Variants in ZNF607 observed in about 807,000 individuals in gnomAD.
The protein encoded by ZNF607 is zinc finger protein 607.
A neutral mutation model predicts 12.8 loss-of-function variants in ZNF607; 5 were observed. The observed-to-expected ratio is 0.39, with a 90% CI of 0.20 to 0.82. The LOEUF is 0.82. Ranked by LOEUF, ZNF607 falls within the 40% of genes least tolerant of loss-of-function variation. The pLI is 0.39. For synonymous variants in ZNF607, 287 were observed against 276.2 expected (o/e 1.04, Z -0.39); for missense variants, 851 against 859.2 (o/e 0.99, Z 0.12).
At chr19:37,710,772 T>A (rs1448978537) in intron 2 of ZNF607, among the ~76,000 whole-genome samples, 1 of 152,334 alleles carries the variant, frequency 6.6e-6, no homozygotes, top group East Asian at 1.9e-4. Flanking sequence ...AACTTCTCAA[T>A]CAATGTGTGT....
chr19:37,705,069 A>G (rs2045069958), intron 4 of ZNF607, among the ~76,000 whole-genome samples: 1 of 151,626 alleles, frequency 6.6e-6, no homozygotes, highest in South Asian at 2.1e-4. Context: ...CAGAAAAAAT[A>G]ATAAAATAGA....
intron 4 of ZNF607, chr19:37,706,369 G>A (rs2045084143): frequency 6.6e-6 from 1 of 152,348 alleles, no homozygotes; most frequent in Non-Finnish European, 1.5e-5. Context: ...AATAGGAACT[G>A]AGGTGAATAC....
At chr19:37,700,785 A>G (rs1035339288) in intron 4 of ZNF607, among the ~76,000 whole-genome samples, 1 of 152,166 alleles carries the variant, frequency 6.6e-6, no homozygotes, top group East Asian at 1.9e-4. Context: ...GAAACGGAAT[A>G]GTGTCAACAC....
At chr19:37,709,894 C>A (rs1017932483) in intron 2 of ZNF607, 72 bp from the exon 3 acceptor site, 3 of 1,553,578 alleles carry the variant, frequency 1.9e-6, no homozygotes. Flanking sequence ...CTGTGGCTCA[C>A]GCCTGTAATC....
At chr19:37,701,101 A>G (rs373568849) in intron 4 of ZNF607, among the ~76,000 whole-genome samples, 2 of 152,192 alleles carry the variant, frequency 1.3e-5, no homozygotes, top group South Asian at 2.1e-4. Flanking sequence ...TAATTTCTCA[A>G]TATCTGAATT....
chr19:37,698,569 G>GT lies in ZNF607; in HGVS notation c.1561dup (p.Thr521AsnfsTer10). On this transcript the variant is annotated frameshift_variant, in exon 5 of 5. Transcript: ENST00000355202. LOFTEE classifies it low-confidence loss of function (END_TRUNC). ...ACCACTGTGAATACTCAGATGCTGA[G>GT]TAAGTTGTCCAGATACACTAAAGGC... The GT allele has an allele frequency of 6.2e-7, 1 of 1,611,762 alleles. No individual in the cohort carries two copies. The highest frequency in any genetic ancestry group is 8.5e-7 in the Non-Finnish European group (1 of 1,178,222).
At chr19:37,701,651 C>T (rs2045039745) in intron 4 of ZNF607, among the ~76,000 whole-genome samples, 1 of 152,176 alleles carries the variant, frequency 6.6e-6, no homozygotes, top group Non-Finnish European at 1.5e-5. Context: ...AAGTACCTTA[C>T]CTTGCTGAAA....
intron 1 of ZNF607, among the ~76,000 whole-genome samples, chr19:37,713,869 AAACACAAAT>A (rs1270097512): frequency 1.3e-5 from 2 of 152,222 alleles, no homozygotes; most frequent in East Asian, 3.8e-4. Context: ...TCGAAATTAA[AAACACAAAT>A]ATTAAAAGCA....
At chr19:37,713,647 G>A (rs1023561269) in intron 1 of ZNF607, among the ~76,000 whole-genome samples, 4 of 151,776 alleles carry the variant, frequency 2.6e-5, no homozygotes, top group African/African-American at 9.7e-5. Flanking sequence ...CACCATGTTG[G>A]CCAGGCTGGT....
At chr19:37,707,398 G>C (rs1057186895) in intron 4 of ZNF607, among the ~76,000 whole-genome samples, 3 of 152,000 alleles carry the variant, frequency 2.0e-5, no homozygotes, top group Non-Finnish European at 4.4e-5. Flanking sequence ...GGATAAGACT[G>C]TGCCACTGCA....
rs1291067426 is a variant in ZNF607 at position 37,698,801 on chromosome 19, T to C, written c.1330A>G (p.Thr444Ala). ...TTACATTCAAAGGGTTTGTAACCAG[T>C]ATGAATTCTGTTATGATGGGCAAGG... ...AHLAHHNRIH[T>A]GYKPFECKEC... Residue 444 changes from threonine (T) to alanine (A), a missense_variant, in exon 5 of 5, where the codon ACT becomes GCT. By Grantham distance (58) the Thr-to-Ala change is moderately conservative. Transcript: ENST00000355202. 6.2e-7 allele frequency: 1 copy of C among 1,613,682 alleles called. No individual in the cohort carries two copies. The highest frequency in any genetic ancestry group is 1.1e-5 in the South Asian group (1 of 91,056).
At chr19:37,712,088 G>A (rs932511863) in intron 1 of ZNF607, among the ~76,000 whole-genome samples, 4 of 152,152 alleles carry the variant, frequency 2.6e-5, no homozygotes, top group Non-Finnish European at 5.9e-5. Flanking sequence ...TTTTAGTCTT[G>A]AAACTGGGGA....
chr19:37,696,593 A>G lies in ZNF607; in HGVS notation c.*1447T>C. The G allele has an allele frequency of 1.8e-6, 1 of 557,144 alleles. No individual in the cohort carries two copies. The highest frequency in any genetic ancestry group is 1.9e-5 in the South Asian group (1 of 51,744). The allele number at this position is 557,144 out of a possible 1,614,324, so 34.5% of individuals were successfully genotyped here. On this transcript the variant is annotated 3_prime_UTR_variant, in exon 5 of 5. Coordinates refer to ENST00000355202, the MANE Select transcript of ZNF607 (RefSeq NM_032689.5). ...ATCGGGGCTGTGGCCCAGTTGCCTC[A>G]CGGAGGTGCAGGTAGGCTGGGGCCT...
intron 3 of ZNF607, among the ~76,000 whole-genome samples, chr19:37,708,865 C>T (rs1189091672): frequency 6.7e-6 from 1 of 149,208 alleles, no homozygotes; most frequent in African/African-American, 2.5e-5. Flanking sequence ...AAAAAAAAGC[C>T]TGGGATCAAT....
rs78945660 is a variant in ZNF607 at position 37,709,870 on chromosome 19, G to A, written c.10-48C>T. ...TACTGGGGAAATTCCAAAATGGAGT[G>A]GAGGGGCCGGGCACTGTGGCTCACG... On this transcript the variant is annotated intron_variant, in intron 2 of 4. Coordinates refer to ENST00000355202, the MANE Select transcript of ZNF607 (RefSeq NM_032689.5). 4.0e-3 allele frequency: 6,450 copies of A among 1,598,684 alleles called. 222 individuals carry two copies. In the African/African-American group the frequency reaches 0.075, roughly 19 times the overall value.
In ZNF607 at chr19:37,699,319, T is replaced by C; in HGVS notation, c.812A>G (p.His271Arg). The change falls in exon 5 of 5, where the codon CAT (histidine) becomes CGT (arginine). Residue 271 changes from histidine (H) to arginine (R), a missense_variant. His to Arg is a conservative substitution (Grantham distance 29). Transcript: ENST00000355202. ...CTTCTCTCCAGTATGAATACTCTGA[T>C]GTACTTTAAGGCCTGCTTTGAGCCT... ...SFRLKAGLKV[H>R]QSIHTGEKPH... 1 of 1,614,108 alleles carries C rather than the reference T, an allele frequency of 6.2e-7. No individual in the cohort carries two copies. Among genetic ancestry groups the C allele is most frequent in the Non-Finnish European group, 8.5e-7 (1 of 1,180,012 alleles).
Position 37,711,619 on chromosome 19 carries a change from G to A in ZNF607, c.-1C>T, listed in dbSNP as rs774410196. 6.2e-7 allele frequency: 1 copy of A among 1,613,898 alleles called. No homozygotes were observed. Among genetic ancestry groups the A allele is most frequent in the South Asian group, 1.1e-5 (1 of 91,078 alleles). On this transcript the variant is annotated 5_prime_UTR_variant, in exon 2 of 5. Transcript: ENST00000355202. ...AGAAATATCAACTTACATAGGACATGGTTTGAGACTGGCAAGAGTTGATCA... is the reference window on the plus strand; with the variant it reads ...AGAAATATCAACTTACATAGGACATAGTTTGAGACTGGCAAGAGTTGATCA...
chr19:37,708,059 G>A (rs943211707), intron 3 of ZNF607, 47 bp from the exon 4 acceptor site: 4 of 1,506,688 alleles, frequency 2.7e-6, no homozygotes, highest in East Asian at 2.3e-5. Context: ...CAACTTTGAA[G>A]GTAAAATTTA....
In ZNF607 at chr19:37,715,603, TAA is replaced by T. The variant is rs767020720; in HGVS notation, c.-75+3664_-75+3665del. Among the ~76,000 whole-genome samples the T allele has an allele frequency of 4.3e-3, 555 of 129,080 alleles. 3 individuals carry two copies. Among genetic ancestry groups the T allele is most frequent in the African/African-American group, 0.014 (496 of 35,118 alleles). The allele number at this position is 129,080 out of a possible 152,430, so 84.7% of individuals were successfully genotyped here. ...CTGGGCCACAGAATGAAACTCCATC[TAA>T]AAAAAAAAAAAAAGATGATCAGATA... On this transcript the variant is annotated intron_variant, in intron 1 of 4. Transcript: ENST00000355202.
Sources: allele counts gnomAD v4.1 joint callset (sites outside exome capture counted in the v4.1 genomes callset), GRCh38; gene constraint gnomAD v4.1.1; transcripts MANE v1.5; gene names NCBI Gene and HGNC (gene_info 2026-07-23, HGNC 2026-07-21).